NIBAN2: variants seen among roughly 807,000 people sequenced by gnomAD.
The protein encoded by NIBAN2 is protein Niban 2.
A neutral mutation model predicts 81.8 loss-of-function variants in NIBAN2; 36 were observed. The observed-to-expected ratio is 0.44, with a 90% CI of 0.34 to 0.58. NIBAN2 has a LOEUF of 0.58. Ranked by LOEUF, NIBAN2 falls within the 20% of genes least tolerant of loss-of-function variation. The probability of loss-of-function intolerance (pLI) is 0.02; values close to 1 mark genes in which losing one functional copy is unlikely to be tolerated. For missense variants in NIBAN2, 897 were observed against 1,014.1 expected, an observed-to-expected ratio of 0.88 and a Z score of 1.57; for synonymous variants, 445 against 441.6, an observed-to-expected ratio of 1.01 and a Z score of -0.10.
chr9:127,564,638 C>G (rs1296967945), intron 1 of NIBAN2, among the ~76,000 whole-genome samples: 2 of 151,936 alleles, frequency 1.3e-5, no homozygotes, highest in African/African-American at 2.4e-5. Flanking sequence ...TTTGGGAGGT[C>G]GAGGTGGGTG....
At chr9:127,542,996 GT>G (rs1201852560) in intron 1 of NIBAN2, among the ~76,000 whole-genome samples, 1 of 152,158 alleles carries the variant, frequency 6.6e-6, no homozygotes, top group Non-Finnish European at 1.5e-5. Context: ...AAGTGCTGGG[GT>G]TACAGGCGTG....
Position 127,563,112 on chromosome 9 carries a change from G to A in NIBAN2, c.55+5708C>T, listed in dbSNP as rs1053540484. 1.3e-5 allele frequency among the ~76,000 whole-genome samples: 2 copies of A among 152,154 alleles called. No individual in the cohort carries two copies. The highest frequency in any genetic ancestry group is 2.1e-4 in the South Asian group (1 of 4,834). ...CCATGGCCCCGCGTGGGTTTAGAAA[G>A]GTCCCTTTGGCAGCGTGTGTGGGAA... On this transcript the variant is annotated intron_variant, in intron 1 of 13. Coordinates refer to ENST00000373312, the MANE Select transcript of NIBAN2 (RefSeq NM_022833.4). This position sits in a 1 kb window ranked among gnomAD's most constrained non-coding sequence, Gnocchi z 4.1.
At chr9:127,568,290 G>A (rs1837893031) in intron 1 of NIBAN2, among the ~76,000 whole-genome samples, 1 of 152,176 alleles carries the variant, frequency 6.6e-6, no homozygotes, top group Non-Finnish European at 1.5e-5. Context: ...TCGATCCCTG[G>A]CCCCACTCCC....
chr9:127,525,686 C>T (rs1489947541), intron 3 of NIBAN2, among the ~76,000 whole-genome samples: 2 of 152,190 alleles, frequency 1.3e-5, no homozygotes, highest in African/African-American at 4.8e-5. Context: ...GCATTTCTTA[C>T]ATACCAGGCC....
At chr9:127,538,022 T>C (rs976553230) in intron 1 of NIBAN2, among the ~76,000 whole-genome samples, 1 of 152,210 alleles carries the variant, frequency 6.6e-6, no homozygotes, top group East Asian at 1.9e-4. Context: ...CTATGGGTAC[T>C]GGGCTGCATC....
intron 8 of NIBAN2, among the ~76,000 whole-genome samples, chr9:127,516,220 A>G (rs1340437602): frequency 6.6e-6 from 1 of 152,228 alleles, no homozygotes; most frequent in Admixed American, 6.5e-5. Flanking sequence ...ATGGGGACCA[A>G]GCTGGTGAAA....
intron 5 of NIBAN2, among the ~76,000 whole-genome samples, chr9:127,520,682 G>A (rs953728333): frequency 6.6e-6 from 1 of 152,098 alleles, no homozygotes; most frequent in East Asian, 1.9e-4. Context: ...TTGGGAGGCC[G>A]AGGCGGCAGA....
intron 5 of NIBAN2, among the ~76,000 whole-genome samples, chr9:127,518,448 G>A (rs1246182143): frequency 6.6e-6 from 1 of 152,214 alleles, no homozygotes; most frequent in Non-Finnish European, 1.5e-5. Flanking sequence ...AACAGGCTAG[G>A]CAGCAGATAT....
upstream of NIBAN2, among the ~76,000 whole-genome samples, chr9:127,571,521 C>A (rs1444180196): frequency 1.3e-5 from 2 of 152,190 alleles, no homozygotes; most frequent in South Asian, 2.1e-4. Flanking sequence ...CATGGTGAAA[C>A]CCCATCTCTA....
intron 1 of NIBAN2, among the ~76,000 whole-genome samples, chr9:127,548,969 G>T (rs935208001): frequency 1.3e-5 from 2 of 152,196 alleles, no homozygotes; most frequent in Non-Finnish European, 2.9e-5. Context: ...GGTAGGGAAG[G>T]CCTCATCACT....
chr9:127,522,865 C>A (rs916622864), intron 5 of NIBAN2, among the ~76,000 whole-genome samples: 1 of 151,936 alleles, frequency 6.6e-6, no homozygotes, highest in Non-Finnish European at 1.5e-5. Flanking sequence ...CACACACACC[C>A]TCAGGCTCCC....
intron 8 of NIBAN2, among the ~76,000 whole-genome samples, chr9:127,515,539 A>G (rs1441713799): frequency 2.7e-5 from 2 of 73,382 alleles, no homozygotes; most frequent in African/African-American, 9.5e-5. Flanking sequence ...AAAAAAAAAA[A>G]CAAACAAAAA....
At chr9:127,532,040 A>G (rs1412831899) in intron 1 of NIBAN2, among the ~76,000 whole-genome samples, 1 of 152,214 alleles carries the variant, frequency 6.6e-6, no homozygotes, top group Non-Finnish European at 1.5e-5. Flanking sequence ...TGCAAACAGA[A>G]CCAAGACTCC....
At chr9:127,512,531 C>T (rs1361363036) in intron 8 of NIBAN2, among the ~76,000 whole-genome samples, 1 of 152,180 alleles carries the variant, frequency 6.6e-6, no homozygotes, top group Non-Finnish European at 1.5e-5. Flanking sequence ...AAGTGATCCA[C>T]CCGCCTCGGC....
intron 1 of NIBAN2, among the ~76,000 whole-genome samples, chr9:127,550,997 C>G (rs1248923500): frequency 6.6e-6 from 1 of 152,164 alleles, no homozygotes; most frequent in East Asian, 1.9e-4. Context: ...CAGCCACTTC[C>G]CTGGGGCACG....
intron 1 of NIBAN2, among the ~76,000 whole-genome samples, chr9:127,551,560 T>C (rs1317149118): frequency 6.8e-6 from 1 of 147,210 alleles, no homozygotes; most frequent in African/African-American, 2.5e-5. Context: ...AATAAATAAA[T>C]ACAAAATTAG....
chr9:127,508,223 G>A lies in NIBAN2; in HGVS notation c.1435-23C>T. The A allele has an allele frequency of 6.3e-7, 1 of 1,589,108 alleles. No individual in the cohort carries two copies. The highest frequency in any genetic ancestry group is 8.6e-7 in the Non-Finnish European group (1 of 1,159,032). ...TTTCTGCAGGGAACAAGGGGGTCGG[G>A]GGTCTGCAGGTCAGTGGGCTCCATT... is the stretch of plus-strand genomic sequence containing the variant. On this transcript the variant is annotated intron_variant, in intron 11 of 13. Coordinates refer to ENST00000373312, the MANE Select transcript of NIBAN2 (RefSeq NM_022833.4). This position sits in a 1 kb window ranked among gnomAD's most constrained non-coding sequence, Gnocchi z 6.4.
intron 2 of NIBAN2, among the ~76,000 whole-genome samples, chr9:127,528,081 C>G (rs1417429208): frequency 6.6e-6 from 1 of 152,188 alleles, no homozygotes; most frequent in African/African-American, 2.4e-5. Flanking sequence ...AAAATGGGAA[C>G]AGTAAGAGTT....
At chr9:127,519,599 A>C (rs1438053668) in intron 5 of NIBAN2, among the ~76,000 whole-genome samples, 1 of 152,218 alleles carries the variant, frequency 6.6e-6, no homozygotes, top group African/African-American at 2.4e-5. Context: ...CACAGAAATC[A>C]CTGCCTGTCG....
Sources: gnomAD v4.1 joint callset for allele counts (sites outside exome capture counted in the v4.1 genomes callset) on GRCh38, gnomAD v4.1.1 for gene constraint, Gnocchi (gnomAD v3.1) non-coding constraint, MANE v1.5 for transcripts, NCBI Gene and HGNC (gene_info 2026-07-23, HGNC 2026-07-21) for gene names.